EVC: variants seen among roughly 807,000 people sequenced by gnomAD.
EVC encodes EvC ciliary complex subunit 1.
EVC carries 116 observed loss-of-function variants against 118.9 expected under a neutral mutation model. That is an observed-to-expected ratio of 0.98 (90% confidence interval 0.84 to 1.14). The LOEUF (loss-of-function observed/expected upper bound fraction) is 1.14, where lower values mean the gene tolerates loss of function less well. Among genes scored for constraint, EVC ranks in the 50% most tolerant of loss-of-function variants. The pLI, the probability that EVC is intolerant of heterozygous loss-of-function variation, is 0.00. For missense variants in EVC, 1,401 were observed against 1,246.4 expected (o/e 1.12, Z -1.87); for synonymous variants, 619 against 534.7 (o/e 1.16, Z -2.18).
chr4:5,802,321 C>T (rs1029861505), intron 16 of EVC, among the ~76,000 whole-genome samples: 3 of 152,134 alleles, frequency 2.0e-5, no homozygotes, highest in East Asian at 3.9e-4. Flanking sequence ...TGTTTTAAGT[C>T]GGTCACTCAG....
At chr4:5,810,682 C>G (rs939739651) in intron 20 of EVC, among the ~76,000 whole-genome samples, 1 of 152,324 alleles carries the variant, frequency 6.6e-6, no homozygotes, top group Middle Eastern at 3.4e-3. Flanking sequence ...CCAGATGAGC[C>G]TTGACCTACC....
intron 1 of EVC, among the ~76,000 whole-genome samples, chr4:5,712,570 C>G (rs2151782630): frequency 6.6e-6 from 1 of 152,298 alleles, no homozygotes; most frequent in East Asian, 1.9e-4. Flanking sequence ...CGATCAGAAA[C>G]AAGATGGCGT....
rs1735963741 is a variant in EVC, at chr4:5,783,617, C to G, written c.1629C>G (p.Leu543=). Residue 543 remains leucine (L), a synonymous_variant, in exon 12 of 21, where the codon CTC becomes CTG. Coordinates refer to ENST00000264956, the MANE Select transcript of EVC (RefSeq NM_153717.3). ...TGGATGCCCTGTTCCTTCAGACGCTCCCTGGCATGACTGGCCTCCCCCCGG... is the reference window on the plus strand; with the variant it reads ...TGGATGCCCTGTTCCTTCAGACGCTGCCTGGCATGACTGGCCTCCCCCCGG... ...KFVDALFLQT[L]PGMTGLPPEE... is the part of the protein sequence containing the mutation. 2 of 1,614,164 alleles carry G rather than the reference C, an allele frequency of 1.2e-6. No individual in the cohort carries two copies. The highest frequency in any genetic ancestry group is 1.7e-6 in the Non-Finnish European group (2 of 1,180,022).
At chr4:5,764,748 AT>A (rs2152140020) in intron 11 of EVC, among the ~76,000 whole-genome samples, 1 of 146,626 alleles carries the variant, frequency 6.8e-6, no homozygotes, top group Non-Finnish European at 1.5e-5. Context: ...CGGTGGTGAT[AT>A]CCCCTTTATC....
chr4:5,743,143 G>A lies in EVC; in HGVS notation c.801+1329G>A, dbSNP rs1470432313. 2.0e-5 allele frequency among the ~76,000 whole-genome samples: 3 copies of A among 152,156 alleles called. No individual in the cohort carries two copies. The highest frequency in any genetic ancestry group is 2.9e-5 in the Non-Finnish European group (2 of 68,008). ...GTTGACATGGCATTTGTAATCTGTG[G>A]TTGTGCTGGTGGGAGTGTCTTATGC... On this transcript the variant is annotated intron_variant, in intron 6 of 20. Transcript: ENST00000264956. This position sits in a 1 kb window ranked among gnomAD's most constrained non-coding sequence, Gnocchi z 4.7.
At chr4:5,821,675 AC>A in the EVC span, 1 of 1,322,708 alleles carries the variant, frequency 7.6e-7, no homozygotes. The surrounding 1 kb of genome is among the most constrained non-coding windows in gnomAD (Gnocchi z 4.4). Context: ...ACCAACTAAA[AC>A]TGTGGGTTTC....
chr4:5,763,451 G>T (rs1433720755), intron 11 of EVC, among the ~76,000 whole-genome samples: 483 of 101,742 alleles, frequency 4.7e-3, no homozygotes, highest in Middle Eastern at 0.01. Context: ...GTCATTGGTA[G>T]CTTGATGGGG....
chr4:5,761,155 A>C lies in EVC; in HGVS notation c.1563+4793A>C, dbSNP rs549567964. Among the ~76,000 whole-genome samples, 229 of 152,066 alleles carry C rather than the reference A, an allele frequency of 1.5e-3. 4 individuals carry two copies. The highest frequency in any genetic ancestry group is 5.3e-3 in the African/African-American group (220 of 41,408). On this transcript the variant is annotated intron_variant, in intron 11 of 20. Coordinates refer to ENST00000264956, the MANE Select transcript of EVC (RefSeq NM_153717.3). ...CCTTCTCTGTGCAATGGAGACTGGG[A>C]GCCCATTTACTTTAAAGGCTGGGTG...
intron 19 of EVC, 66 bp from the exon 20 acceptor site, chr4:5,810,273 G>A: frequency 7.8e-7 from 1 of 1,283,552 alleles, no homozygotes. Context: ...GTTGGTGTGA[G>A]GCTGCAAGAA....
At chr4:5,787,702 T>G (rs1711956193) in intron 12 of EVC, among the ~76,000 whole-genome samples, 2 of 152,154 alleles carry the variant, frequency 1.3e-5, no homozygotes, top group South Asian at 4.2e-4. Context: ...CACCAGTGAG[T>G]AGGAGTGGGG....
At chr4:5,791,381 G>A (rs182143071) in intron 12 of EVC, among the ~76,000 whole-genome samples, 14 of 152,194 alleles carry the variant, frequency 9.2e-5, no homozygotes, top group Non-Finnish European at 1.5e-5. Flanking sequence ...GAGTGAGAGG[G>A]AAATAAGAAA....
chr4:5,727,177 C>T lies in EVC; in HGVS notation c.301-2130C>T, dbSNP rs1406301163. Among the ~76,000 whole-genome samples the T allele has an allele frequency of 2.0e-5, 3 of 151,958 alleles. No individual in the cohort carries two copies. The East Asian group carries it at 5.8e-4, about 29-fold the overall frequency. On this transcript the variant is annotated intron_variant, in intron 2 of 20. Coordinates refer to ENST00000264956, the MANE Select transcript of EVC (RefSeq NM_153717.3). ...CTTCCACAATGGTTGAACTAGTTTA[C>T]AGTCCCACCAACAGTGTAAAAGTGT...
intron 13 of EVC, among the ~76,000 whole-genome samples, chr4:5,796,591 C>G (rs1460922999): frequency 6.6e-6 from 1 of 151,988 alleles, no homozygotes; most frequent in African/African-American, 2.4e-5. Context: ...ACTGTCAGAC[C>G]TCTGTTCACC....
rs1373632260 is a variant in EVC at position 5,793,699 on chromosome 4, T to C, written c.1868T>C (p.Leu623Pro). 9 of 1,550,496 alleles carry C rather than the reference T, an allele frequency of 5.8e-6. No homozygotes were observed. The highest frequency in any genetic ancestry group is 1.4e-5 in the African/African-American group (1 of 73,116). The change falls in exon 13 of 21, where the codon CTG (leucine) becomes CCG (proline). Residue 623 changes from leucine (L) to proline (P), a missense_variant. Physicochemically the swap from Leu to Pro is moderately conservative, Grantham distance 98. Transcript: ENST00000264956. ...EGTIRGVLGR[L>P]GGLTEESTRC... is the part of the protein sequence containing the mutation. ...ACCATCCGCGGCGTCTTGGGCCGAC[T>C]GGGCGGCCTCACTGAAGAGTGAGTA...
rs996067603 is a variant in EVC, at chr4:5,789,678, G to A, written c.1777-3930G>A. ...GTAGCAATGACCAGCACTCTAGCCCGAGGAAGCACCTCTTCTGAATGTAAG... is the reference window on the plus strand; with the variant it reads ...GTAGCAATGACCAGCACTCTAGCCCAAGGAAGCACCTCTTCTGAATGTAAG... On this transcript the variant is annotated intron_variant, in intron 12 of 20. Transcript: ENST00000264956. This position sits in a 1 kb window ranked among gnomAD's most constrained non-coding sequence, Gnocchi z 4.3. Among the ~76,000 whole-genome samples, 7 of 152,170 alleles carry A rather than the reference G, an allele frequency of 4.6e-5. No homozygotes were observed. The highest frequency in any genetic ancestry group is 9.7e-5 in the African/African-American group (4 of 41,438).
chr4:5,774,136 C>G, intron 11 of EVC, among the ~76,000 whole-genome samples: 1 of 151,892 alleles, frequency 6.6e-6, no homozygotes, highest in East Asian at 2.0e-4. Context: ...TCCTGTGCCT[C>G]TGCAACACTC....
intron 8 of EVC, 143 bp downstream of exon 8, chr4:5,748,449 A>G: frequency 1.3e-6 from 1 of 799,246 alleles, no homozygotes; most frequent in Non-Finnish European, 2.0e-6. Flanking sequence ...CAACAACAAC[A>G]GTAAATTCAT....
rs1728836734 is a variant in EVC, at chr4:5,742,991, C to T, written c.801+1177C>T. 6.6e-6 allele frequency among the ~76,000 whole-genome samples: 1 copy of T among 152,216 alleles called. No homozygotes were observed. Among genetic ancestry groups the T allele is most frequent in the South Asian group, 2.1e-4 (1 of 4,830 alleles). ...CTGTATTTATACTCATGTAAACCCA[C>T]TTTCAATTACATGCAAATGAAAGGG... On this transcript the variant is annotated intron_variant, in intron 6 of 20. Coordinates refer to ENST00000264956, the MANE Select transcript of EVC (RefSeq NM_153717.3). This position sits in a 1 kb window ranked among gnomAD's most constrained non-coding sequence, Gnocchi z 5.2.
intron 5 of EVC, among the ~76,000 whole-genome samples, chr4:5,741,494 T>A (rs1211705704): frequency 2.0e-5 from 3 of 152,224 alleles, no homozygotes; most frequent in Non-Finnish European, 4.4e-5. Flanking sequence ...GGAAGCTTTT[T>A]AAGGAAGCTT....
Sources: allele counts gnomAD v4.1 joint callset (sites outside exome capture counted in the v4.1 genomes callset), GRCh38; gene constraint gnomAD v4.1.1; non-coding constraint Gnocchi (gnomAD v3.1); transcripts MANE v1.5; gene names NCBI Gene and HGNC (gene_info 2026-07-23, HGNC 2026-07-21).